ANKRD44: variants seen among roughly 807,000 people sequenced by gnomAD.
ANKRD44 encodes the protein serine/threonine-protein phosphatase 6 regulatory ankyrin repeat subunit B.
ANKRD44 carries 35 observed loss-of-function variants against 116.0 expected under a neutral mutation model. The ratio of observed to expected loss-of-function variants is 0.30; its 90% confidence interval spans 0.23 to 0.40. ANKRD44 has a LOEUF of 0.40. ANKRD44 is among the 10% of genes least tolerant of loss of function. The pLI is 1.00. For synonymous variants in ANKRD44, 435 were observed against 461.8 expected (o/e 0.94, Z 0.74); for missense variants, 1,014 against 1,242.6 (o/e 0.82, Z 2.77).
intron 15 of ANKRD44, among the ~76,000 whole-genome samples, chr2:197,080,739 G>A (rs899859765): frequency 6.6e-6 from 1 of 152,108 alleles, no homozygotes; most frequent in Non-Finnish European, 1.5e-5. Flanking sequence ...AACAGTCTGG[G>A]CATGGGAGGA....
At chr2:197,114,172 T>C (rs1201170926) in intron 8 of ANKRD44, among the ~76,000 whole-genome samples, 3 of 152,326 alleles carry the variant, frequency 2.0e-5, no homozygotes, top group East Asian at 3.9e-4. Flanking sequence ...GTTGCTACTA[T>C]TCCTAGAATT....
At chr2:197,176,735 A>G (rs2697240) in intron 2 of ANKRD44, among the ~76,000 whole-genome samples, 86,243 of 151,990 alleles carry the variant, frequency 0.57, 28,285 homozygotes, top group East Asian at 0.88. Context: ...TGAGAAACCC[A>G]TTTATACTAT....
intron 10 of ANKRD44, among the ~76,000 whole-genome samples, chr2:197,097,681 C>T (rs932749298): frequency 1.3e-5 from 2 of 152,208 alleles, no homozygotes; most frequent in Admixed American, 6.5e-5. Context: ...CAAGAGGCTG[C>T]CAAGTGTTTG....
intron 21 of ANKRD44, among the ~76,000 whole-genome samples, chr2:196,975,558 T>C (rs1574207901): frequency 6.7e-6 from 1 of 149,792 alleles, no homozygotes; most frequent in Non-Finnish European, 1.5e-5. Context: ...CCGAGGTAGG[T>C]GGATCACGTG....
At chr2:197,293,806 G>T (rs1051949484) in intron 1 of ANKRD44, among the ~76,000 whole-genome samples, 5 of 152,176 alleles carry the variant, frequency 3.3e-5, no homozygotes, top group Non-Finnish European at 7.4e-5. Flanking sequence ...TTAGAAGTGG[G>T]TGATACATTC....
chr2:197,299,764 A>T (rs994245461), intron 1 of ANKRD44, among the ~76,000 whole-genome samples: 3 of 152,202 alleles, frequency 2.0e-5, no homozygotes, highest in African/African-American at 7.2e-5. Context: ...AAATCTCAGA[A>T]ATCACCACTA....
intron 17 of ANKRD44, 23 bp from the exon 18 acceptor site, chr2:197,013,735 T>A: frequency 6.2e-7 from 1 of 1,611,394 alleles, no homozygotes; most frequent in Non-Finnish European, 8.5e-7. Flanking sequence ...AACCAATGGC[T>A]CCCATGCTTG....
intron 1 of ANKRD44, among the ~76,000 whole-genome samples, chr2:197,290,130 T>C (rs1042759981): frequency 6.6e-6 from 1 of 152,056 alleles, no homozygotes; most frequent in Non-Finnish European, 1.5e-5. Context: ...AATAGTCTAT[T>C]TTTCAAAAAG....
At chr2:197,282,672 C>T (rs2083298814) in intron 1 of ANKRD44, among the ~76,000 whole-genome samples, 2 of 152,090 alleles carry the variant, frequency 1.3e-5, no homozygotes, top group African/African-American at 4.8e-5. Context: ...ACTTTAATCC[C>T]TCCAGGCCGG....
In ANKRD44 at chr2:197,273,981, ATATATATATATATATAT is replaced by A. The variant is rs1317350875; in HGVS notation, c.27+36580_27+36596del. Reference sequence around the variant, plus strand: ...ACCACAAAAAAAAAAAAAAAAAAAAATATATATATATATATATATATATATATATATATATATATATA... The same window carrying A: ...ACCACAAAAAAAAAAAAAAAAAAAAAATATATATATATATATATATATATA... On this transcript the variant is annotated intron_variant, in intron 1 of 27. Transcript: ENST00000282272. 1.7e-3 allele frequency among the ~76,000 whole-genome samples: 41 copies of A among 23,982 alleles called. 5 individuals carry two copies. Among genetic ancestry groups the A allele is most frequent in the Admixed American group, 5.4e-3 (9 of 1,682 alleles). 15.7% of individuals were successfully genotyped at this position (23,982 alleles called of 152,430 possible). A position where few individuals can be genotyped will look rare whatever the true frequency, so the allele number is the denominator to read the frequency against.
intron 16 of ANKRD44, among the ~76,000 whole-genome samples, chr2:197,039,689 G>GCA (rs1480866901): frequency 5.2e-4 from 4 of 7,700 alleles, no homozygotes; most frequent in Non-Finnish European, 1.0e-3. Flanking sequence ...GCGTGTGTGT[G>GCA]TGTGTGTGTG....
At chr2:197,133,467 T>C (rs1371432936) in intron 4 of ANKRD44, among the ~76,000 whole-genome samples, 2 of 152,200 alleles carry the variant, frequency 1.3e-5, no homozygotes, top group African/African-American at 2.4e-5. Flanking sequence ...GTATCTCTCA[T>C]GGTGGTTCTG....
chr2:197,158,849 C>T (rs1412523171), intron 2 of ANKRD44, among the ~76,000 whole-genome samples: 2 of 152,128 alleles, frequency 1.3e-5, no homozygotes, highest in African/African-American at 4.8e-5. Flanking sequence ...CCTGAAGATG[C>T]AGCAGCCTTC....
chr2:197,033,641 CAA>C (rs927275153), intron 16 of ANKRD44, among the ~76,000 whole-genome samples: 3 of 144,600 alleles, frequency 2.1e-5, no homozygotes, highest in African/African-American at 7.7e-5. Flanking sequence ...GGGCAGGAAA[CAA>C]AGAGAATTAT....
intron 1 of ANKRD44, among the ~76,000 whole-genome samples, chr2:197,274,018 T>G (rs13384815): frequency 0.2 from 14,055 of 70,938 alleles, 2,454 homozygotes; most frequent in Middle Eastern, 0.36. Context: ...TATATATATA[T>G]ATATATATAT....
chr2:197,176,163 C>A (rs1207699521), intron 2 of ANKRD44, among the ~76,000 whole-genome samples: 1 of 152,196 alleles, frequency 6.6e-6, no homozygotes, highest in Non-Finnish European at 1.5e-5. Context: ...TGGACTGTGA[C>A]ACCATGGAGT....
intron 2 of ANKRD44, 55 bp downstream of exon 2, chr2:197,186,968 C>T: frequency 6.7e-7 from 1 of 1,483,562 alleles, no homozygotes; most frequent in Non-Finnish European, 9.4e-7. Flanking sequence ...GGTTAAGAGT[C>T]CTTTCCTGCT....
intron 20 of ANKRD44, among the ~76,000 whole-genome samples, 185 bp from the exon 21 acceptor site, chr2:197,006,095 T>C (rs1343807050): frequency 1.3e-5 from 2 of 151,380 alleles, no homozygotes; most frequent in Admixed American, 6.6e-5. Flanking sequence ...CAGAAAAATC[T>C]GTGAACATCA....
chr2:197,017,751 T>C (rs1461293400), intron 17 of ANKRD44, among the ~76,000 whole-genome samples: 1 of 152,234 alleles, frequency 6.6e-6, no homozygotes, highest in Non-Finnish European at 1.5e-5. Context: ...TCTCAGTAAA[T>C]GGCAACTTTA....
Sources: allele counts gnomAD v4.1 joint callset (sites outside exome capture counted in the v4.1 genomes callset), GRCh38; gene constraint gnomAD v4.1.1; transcripts MANE v1.5; gene names NCBI Gene and HGNC (gene_info 2026-07-23, HGNC 2026-07-21).